LGR5: variants seen among roughly 807,000 people sequenced by gnomAD.
LGR5 encodes leucine rich repeat containing G protein-coupled receptor 5.
In LGR5, 54 loss-of-function variants were observed where a neutral mutation model predicts 76.7. The observed-to-expected ratio is 0.70, with a 90% confidence interval of 0.57 to 0.88. The LOEUF is 0.88. Among genes scored for constraint, LGR5 ranks in the 40% least tolerant of loss-of-function variants. The pLI, the probability that LGR5 is intolerant of heterozygous loss-of-function variation, is 0.00. For missense variants in LGR5, 1,078 were observed against 1,073.3 expected, an observed-to-expected ratio of 1.00 and a Z score of -0.06; for synonymous variants, 406 against 421.9, an observed-to-expected ratio of 0.96 and a Z score of 0.46.
chr12:71,506,592 A>C lies in LGR5; in HGVS notation c.284+1907A>C, dbSNP rs182488655. On this transcript the variant is annotated intron_variant, in intron 2 of 17. Coordinates refer to ENST00000266674, the MANE Select transcript of LGR5 (RefSeq NM_003667.4). ...TTATTTTTATCTCTCTGGAAACTTC[A>C]TCAAATATCTTGACCATAGAATCAC... Among the ~76,000 whole-genome samples the C allele has an allele frequency of 4.0e-3, 615 of 152,306 alleles. 3 individuals are homozygous for C. Among genetic ancestry groups the C allele is most frequent in the South Asian group, 6.6e-3 (32 of 4,826 alleles).
intron 3 of LGR5, among the ~76,000 whole-genome samples, chr12:71,524,817 T>A (rs1288879815): frequency 6.6e-6 from 1 of 152,146 alleles, no homozygotes; most frequent in Admixed American, 6.6e-5. Context: ...ACAGGATGAA[T>A]AAATCACTGT....
intron 11 of LGR5, among the ~76,000 whole-genome samples, chr12:71,569,577 T>C (rs1203020369): frequency 1.3e-5 from 2 of 152,172 alleles, no homozygotes; most frequent in Admixed American, 1.3e-4. Context: ...TCACTGATCA[T>C]TAGAGAAATG....
At chr12:71,556,486 T>G (rs1877770970) in intron 5 of LGR5, 133 bp from the exon 6 acceptor site, 3 of 664,356 alleles carry the variant, frequency 4.5e-6, no homozygotes, top group South Asian at 1.9e-5. Flanking sequence ...ATGCAGCATA[T>G]AGCCATTTTT....
chr12:71,458,316 C>A (rs1872567720), intron 1 of LGR5, among the ~76,000 whole-genome samples: 1 of 151,988 alleles, frequency 6.6e-6, no homozygotes, highest in Non-Finnish European at 1.5e-5. Flanking sequence ...ATGAGAAGAT[C>A]TTTTAAAAGG....
intron 2 of LGR5, among the ~76,000 whole-genome samples, chr12:71,521,985 A>G (rs572826849): frequency 6.6e-5 from 10 of 152,358 alleles, no homozygotes; most frequent in East Asian, 1.9e-4. Flanking sequence ...CTGATGGTCA[A>G]TCTCTCTACT....
intron 2 of LGR5, among the ~76,000 whole-genome samples, chr12:71,506,215 C>T (rs1874850264): frequency 6.6e-6 from 1 of 152,080 alleles, no homozygotes; most frequent in Non-Finnish European, 1.5e-5. Flanking sequence ...ATAGACAGCC[C>T]TGTTTACCCC....
intron 13 of LGR5, among the ~76,000 whole-genome samples, chr12:71,576,642 A>G (rs1265974812): frequency 6.6e-6 from 1 of 152,156 alleles, no homozygotes; most frequent in Admixed American, 6.5e-5. Context: ...GGGCTCATGA[A>G]TTGAAAAGGA....
intron 1 of LGR5, among the ~76,000 whole-genome samples, chr12:71,483,854 T>A (rs778505929): frequency 6.6e-5 from 10 of 152,262 alleles, no homozygotes; most frequent in Non-Finnish European, 1.5e-4. Flanking sequence ...TTCAGAGATA[T>A]AATCAATAGG....
At chr12:71,558,405 C>T (rs1301219570) in intron 6 of LGR5, among the ~76,000 whole-genome samples, 4 of 152,144 alleles carry the variant, frequency 2.6e-5, no homozygotes, top group African/African-American at 9.7e-5. Context: ...ATTGTCTCCC[C>T]TTCCTCTACC....
At chr12:71,512,551 T>C (rs1432345363) in intron 2 of LGR5, among the ~76,000 whole-genome samples, 10 of 152,210 alleles carry the variant, frequency 6.6e-5, no homozygotes, top group African/African-American at 2.4e-4. Flanking sequence ...CAGACATCTT[T>C]TATTTCAAAG....
chr12:71,455,036 T>C (rs902383531), intron 1 of LGR5, among the ~76,000 whole-genome samples: 1 of 152,040 alleles, frequency 6.6e-6, no homozygotes, highest in African/African-American at 2.4e-5. Context: ...TCCAGGTCTG[T>C]AGTTCTTAAA....
chr12:71,496,647 T>C (rs1023957456), intron 1 of LGR5, among the ~76,000 whole-genome samples: 2 of 152,210 alleles, frequency 1.3e-5, no homozygotes, highest in African/African-American at 2.4e-5. Context: ...CTTATAGCAG[T>C]ACTGTTCATA....
At chr12:71,527,266 G>A (rs1876056772) in intron 3 of LGR5, among the ~76,000 whole-genome samples, 1 of 152,208 alleles carries the variant, frequency 6.6e-6, no homozygotes. Context: ...TATTTTTAAA[G>A]TATTTTGGTT....
At chr12:71,465,122 C>CCT (rs1872813014) in intron 1 of LGR5, among the ~76,000 whole-genome samples, 1 of 152,118 alleles carries the variant, frequency 6.6e-6, no homozygotes, top group Non-Finnish European at 1.5e-5. Context: ...GGGCAAGGAG[C>CCT]CTCTCTTTAA....
intron 3 of LGR5, among the ~76,000 whole-genome samples, chr12:71,527,925 A>T (rs1055053249): frequency 2.6e-5 from 4 of 152,230 alleles, no homozygotes; most frequent in African/African-American, 7.2e-5. Context: ...GCCCAGCATA[A>T]AGAATTCTCC....
At chr12:71,514,484 C>T (rs1489218968) in intron 2 of LGR5, among the ~76,000 whole-genome samples, 1 of 150,592 alleles carries the variant, frequency 6.6e-6, no homozygotes, top group Non-Finnish European at 1.5e-5. Flanking sequence ...AGGAGAATGG[C>T]TTGAACCCGG....
At chr12:71,449,212 G>A (rs1299589535) in intron 1 of LGR5, among the ~76,000 whole-genome samples, 1 of 152,194 alleles carries the variant, frequency 6.6e-6, no homozygotes, top group African/African-American at 2.4e-5. Context: ...ACTAGAAGAT[G>A]AAGGGAAGTT....
intron 2 of LGR5, among the ~76,000 whole-genome samples, chr12:71,513,022 C>A (rs1875241631): frequency 6.6e-6 from 1 of 152,160 alleles, no homozygotes; most frequent in Non-Finnish European, 1.5e-5. Context: ...ACTGGAGCTG[C>A]TTATTAAAAA....
Position 71,440,215 on chromosome 12 carries a change from G to C in LGR5, c.135G>C (p.Arg45Ser). ...ACTGTCATTGCGAGCCCGACGGCAGGATGTTGCTCAGGGTGGACTGCTCCG... is the reference window on the plus strand; with the variant it reads ...ACTGTCATTGCGAGCCCGACGGCAGCATGTTGCTCAGGGTGGACTGCTCCG... The part of the protein sequence containing the change: ...PTHCHCEPDG[R>S]MLLRVDCSDL... The change falls in exon 1 of 18, where the codon AGG (arginine) becomes AGC (serine). Residue 45 changes from arginine (R) to serine (S), a missense_variant. Physicochemically the swap from Arg to Ser is moderately radical, Grantham distance 110 (BLOSUM62 -1). Transcript: ENST00000266674. This position sits in a 1 kb window ranked among gnomAD's most constrained non-coding sequence, Gnocchi z 5.3. 6.2e-7 allele frequency: 1 copy of C among 1,613,216 alleles called. No homozygotes were observed.
Sources: allele counts gnomAD v4.1 joint callset (sites outside exome capture counted in the v4.1 genomes callset), GRCh38; gene constraint gnomAD v4.1.1; non-coding constraint Gnocchi (gnomAD v3.1); transcripts MANE v1.5; gene names NCBI Gene and HGNC (gene_info 2026-07-23, HGNC 2026-07-21).